Variants in CELF4 observed in about 807,000 individuals in gnomAD.
The protein encoded by CELF4 is CUG-BP- and ETR-3-like factor 4.
CELF4 carries 18 observed loss-of-function variants against 59.9 expected under a neutral mutation model. The observed-to-expected ratio is 0.30, with a 90% confidence interval of 0.21 to 0.45. The LOEUF (loss-of-function observed/expected upper bound fraction) is 0.45, where lower values mean the gene tolerates loss of function less well. Ranked by LOEUF, CELF4 falls within the 20% of genes least tolerant of loss-of-function variation. CELF4 has a pLI of 1.00. For missense variants in CELF4, 456 were observed against 689.0 expected (o/e 0.66, Z 3.79); for synonymous variants, 261 against 267.1 (o/e 0.98, Z 0.22).
chr18:37,500,199 C>T (rs2099929957), intron 1 of CELF4, among the ~76,000 whole-genome samples: 1 of 152,188 alleles, frequency 6.6e-6, no homozygotes, highest in African/African-American at 2.4e-5. Context: ...GCAGCCAGTG[C>T]CCCTGCCCCT....
At chr18:37,513,941 CGTGTGTGT>C (rs5824070) in intron 1 of CELF4, among the ~76,000 whole-genome samples, 2,688 of 144,306 alleles carry the variant, frequency 0.019, 64 homozygotes, top group East Asian at 0.14. Context: ...TGTGTGGTGC[CGTGTGTGT>C]GTGTGTGTGT....
chr18:37,470,856 G>A (rs1295351052), intron 2 of CELF4, among the ~76,000 whole-genome samples: 1 of 120,388 alleles, frequency 8.3e-6, no homozygotes, highest in East Asian at 2.7e-4. Flanking sequence ...GTGTGTGTGT[G>A]TGTGTGTGTG....
chr18:37,513,987 C>A (rs1372751805), intron 1 of CELF4, among the ~76,000 whole-genome samples: 1 of 143,900 alleles, frequency 6.9e-6, no homozygotes, highest in African/African-American at 2.6e-5. Context: ...TGTGTGTATA[C>A]CTTCTGACAG....
chr18:37,273,594 G>A (rs1293158697), intron 6 of CELF4: 1 of 991,494 alleles, frequency 1.0e-6, no homozygotes, highest in Non-Finnish European at 1.2e-6. Context: ...AGTGACAGGA[G>A]AATTATGAAT....
intron 2 of CELF4, among the ~76,000 whole-genome samples, chr18:37,352,383 C>A (rs1397368748): frequency 6.6e-6 from 1 of 152,128 alleles, no homozygotes; most frequent in Admixed American, 6.5e-5. Context: ...TGGCTGATGC[C>A]TGTAATCTCG....
chr18:37,248,569 C>T lies in CELF4; in HGVS notation c.*45-3372G>A, dbSNP rs188857009. 2.2e-4 allele frequency among the ~76,000 whole-genome samples: 33 copies of T among 152,170 alleles called. No homozygotes were observed. In the East Asian group the frequency reaches 5.8e-3, roughly 27 times the overall value. On this transcript the variant is annotated intron_variant, in intron 12 of 12. Coordinates refer to ENST00000420428, the MANE Select transcript of CELF4 (RefSeq NM_020180.4). ...CCTCCTCCCTACCCCATCCTCTTTT[C>T]CCACCCTCTCACCCCATACCCCTCC...
chr18:37,271,678 A>G (rs1439328723), intron 7 of CELF4, among the ~76,000 whole-genome samples: 1 of 152,186 alleles, frequency 6.6e-6, no homozygotes, highest in Non-Finnish European at 1.5e-5. Flanking sequence ...CAGATGGAGT[A>G]GGTCTTAATT....
chr18:37,345,814 C>G (rs963219381), intron 2 of CELF4, among the ~76,000 whole-genome samples: 1 of 152,212 alleles, frequency 6.6e-6, no homozygotes, highest in African/African-American at 2.4e-5. Flanking sequence ...AGGCTGAGGT[C>G]TCTCCAGTCT....
chr18:37,477,776 C>T (rs762330327), intron 2 of CELF4, among the ~76,000 whole-genome samples: 5 of 152,152 alleles, frequency 3.3e-5, no homozygotes, highest in Non-Finnish European at 5.9e-5. Context: ...TATTTTTGTC[C>T]GATGCCAGAC....
chr18:37,311,845 C>T (rs1360028542), intron 3 of CELF4, among the ~76,000 whole-genome samples: 6 of 148,000 alleles, frequency 4.1e-5, no homozygotes, highest in South Asian at 2.1e-4. Context: ...GGCGCGGTGG[C>T]TTATGCCTAT....
intron 1 of CELF4, among the ~76,000 whole-genome samples, chr18:37,506,060 C>T (rs1423018630): frequency 2.0e-5 from 3 of 151,694 alleles, no homozygotes; most frequent in African/African-American, 7.3e-5. Context: ...TTGTTTCTCC[C>T]CCCTCCCCTC....
chr18:37,328,510 C>T (rs553804338), intron 2 of CELF4, among the ~76,000 whole-genome samples: 2 of 152,328 alleles, frequency 1.3e-5, no homozygotes, highest in African/African-American at 2.4e-5. Flanking sequence ...GGGCTCACCT[C>T]GCCAAGCTTT....
intron 3 of CELF4, among the ~76,000 whole-genome samples, chr18:37,314,678 T>C (rs1392661928): frequency 6.6e-6 from 1 of 152,112 alleles, no homozygotes; most frequent in Non-Finnish European, 1.5e-5. Flanking sequence ...CCTTCCTGGC[T>C]GGTGCCCCAG....
At chr18:37,554,126 TC>T (rs2099984075) in intron 1 of CELF4, among the ~76,000 whole-genome samples, 1 of 152,052 alleles carries the variant, frequency 6.6e-6, no homozygotes, top group African/African-American at 2.4e-5. Context: ...GAACCCACAC[TC>T]CCCATATACC....
chr18:37,345,790 C>T (rs1438799634), intron 2 of CELF4, among the ~76,000 whole-genome samples: 3 of 152,110 alleles, frequency 2.0e-5, no homozygotes, highest in Non-Finnish European at 4.4e-5. Flanking sequence ...TATAGAAAGG[C>T]ACAGCCTACC....
chr18:37,365,481 ATTTTT>A (rs10670336), intron 2 of CELF4, among the ~76,000 whole-genome samples: 27 of 97,768 alleles, frequency 2.8e-4, no homozygotes, highest in African/African-American at 1.1e-3. Context: ...GGATGGGGCA[ATTTTT>A]TTTTTTTTTT....
chr18:37,257,712 T>A (rs541549171), intron 11 of CELF4, among the ~76,000 whole-genome samples: 7 of 152,198 alleles, frequency 4.6e-5, no homozygotes, highest in South Asian at 2.1e-4. Flanking sequence ...CAACTCAACC[T>A]CCTACTCTCT....
At chr18:37,319,078 A>G (rs1203129609) in intron 3 of CELF4, among the ~76,000 whole-genome samples, 2 of 152,118 alleles carry the variant, frequency 1.3e-5, no homozygotes, top group African/African-American at 4.8e-5. Context: ...CTACTATCCC[A>G]GCTTTCCTGC....
intron 9 of CELF4, among the ~76,000 whole-genome samples, chr18:37,265,662 G>A (rs1378759271): frequency 3.9e-5 from 6 of 152,154 alleles, no homozygotes; most frequent in African/African-American, 1.4e-4. Flanking sequence ...TCCCTCCTCT[G>A]CCTGGCCTGG....
Sources: allele counts gnomAD v4.1 joint callset (sites outside exome capture counted in the v4.1 genomes callset), GRCh38; gene constraint gnomAD v4.1.1; transcripts MANE v1.5; gene names NCBI Gene and HGNC (gene_info 2026-07-23, HGNC 2026-07-21).